The following RASSF3 variants were observed in gnomAD, a reference collection of about 807,000 sequenced individuals.
The protein encoded by RASSF3 is ras association domain-containing protein 3.
In RASSF3, 19 loss-of-function variants were observed where a neutral mutation model predicts 19.9. The ratio of observed to expected loss-of-function variants is 0.96; its 90% confidence interval spans 0.67 to 1.40. The LOEUF (loss-of-function observed/expected upper bound fraction) is 1.40, where lower values mean the gene tolerates loss of function less well. Ranked by LOEUF, RASSF3 falls within the 40% of genes most tolerant of loss-of-function variation. The probability of loss-of-function intolerance (pLI) is 0.00; values close to 1 mark genes in which losing one functional copy is unlikely to be tolerated. For missense variants in RASSF3, 306 were observed against 289.8 expected, an observed-to-expected ratio of 1.06 and a Z score of -0.41; for synonymous variants, 110 against 104.2, an observed-to-expected ratio of 1.06 and a Z score of -0.34.
At chr12:64,669,571 A>G (rs1872630408) in intron 1 of RASSF3, among the ~76,000 whole-genome samples, 1 of 152,078 alleles carries the variant, frequency 6.6e-6, no homozygotes, top group Non-Finnish European at 1.5e-5. Context: ...ATTATGTTAA[A>G]TTCAGTTTCT....
At chr12:64,639,650 C>G (rs1035733441) in intron 1 of RASSF3, among the ~76,000 whole-genome samples, 1 of 152,166 alleles carries the variant, frequency 6.6e-6, no homozygotes, top group East Asian at 1.9e-4. Flanking sequence ...TCATATTCTT[C>G]CTGCTCAAGT....
chr12:64,668,976 G>T lies in RASSF3; in HGVS notation c.112-15811G>T, dbSNP rs185796886. Among the ~76,000 whole-genome samples, 363 of 152,082 alleles carry T rather than the reference G, an allele frequency of 2.4e-3. 1 individual carries two copies. The highest frequency in any genetic ancestry group is 6.8e-3 in the Middle Eastern group (2 of 294). ...GAGCTACCGCACCCAGCCCAATTTT[G>T]ATTTTTTAGGAGGAAAAAAAATTGT... On this transcript the variant is annotated intron_variant, in intron 1 of 4. Coordinates refer to ENST00000542104, the MANE Select transcript of RASSF3 (RefSeq NM_178169.4).
intron 2 of RASSF3, among the ~76,000 whole-genome samples, chr12:64,565,640 G>A (rs1488426906): frequency 6.6e-6 from 1 of 152,208 alleles, no homozygotes; most frequent in African/African-American, 2.4e-5. Flanking sequence ...CTGAACCTGG[G>A]AGGCGGAGGT....
chr12:64,602,915 A>G (rs766530926), intron 2 of RASSF3, among the ~76,000 whole-genome samples: 1 of 152,126 alleles, frequency 6.6e-6, no homozygotes, highest in Non-Finnish European at 1.5e-5. Flanking sequence ...CCTCGCCAAC[A>G]TGGTGAAACC....
At chr12:64,550,820 C>CAAAAAAAAAAAAA (rs59308298) in intron 2 of RASSF3, among the ~76,000 whole-genome samples, 28 of 75,806 alleles carry the variant, frequency 3.7e-4, no homozygotes, top group African/African-American at 5.0e-4. Flanking sequence ...GACTCCATCT[C>CAAAAAAAAAAAAA]AAAAAAAAAA....
chr12:64,628,817 C>A (rs1014434118), intron 1 of RASSF3, among the ~76,000 whole-genome samples: 1 of 151,990 alleles, frequency 6.6e-6, no homozygotes, highest in Non-Finnish European at 1.5e-5. Flanking sequence ...CTTTTACTTG[C>A]TTCAAGTGTC....
intron 1 of RASSF3, among the ~76,000 whole-genome samples, chr12:64,677,043 C>T (rs1872933024): frequency 6.6e-6 from 1 of 151,806 alleles, no homozygotes; most frequent in African/African-American, 2.4e-5. Flanking sequence ...GCTGGGATTA[C>T]AGGAATGAGC....
At chr12:64,567,295 G>C (rs995064881) in intron 2 of RASSF3, among the ~76,000 whole-genome samples, 1 of 152,144 alleles carries the variant, frequency 6.6e-6, no homozygotes, top group African/African-American at 2.4e-5. Flanking sequence ...CTGAACAAGT[G>C]CAGATACAAA....
At chr12:64,541,427 G>A (rs1405971359) in intron 1 of RASSF3, among the ~76,000 whole-genome samples, 2 of 152,220 alleles carry the variant, frequency 1.3e-5, no homozygotes, top group Non-Finnish European at 2.9e-5. Flanking sequence ...GCTCTGCCTT[G>A]TGAACAGATG....
At chr12:64,519,072 C>T (rs549453000) in intron 1 of RASSF3, among the ~76,000 whole-genome samples, 127 of 152,222 alleles carry the variant, frequency 8.3e-4, no homozygotes, top group African/African-American at 2.9e-3. Flanking sequence ...ATTTGAAGTC[C>T]TTTCTCCCAC....
intron 2 of RASSF3, among the ~76,000 whole-genome samples, chr12:64,554,090 G>C (rs1254151120): frequency 1.3e-5 from 2 of 152,010 alleles, no homozygotes; most frequent in African/African-American, 4.8e-5. Context: ...CATTGGCCCA[G>C]TTTCTGATTT....
chr12:64,562,175 G>A (rs1424802261), intron 2 of RASSF3, among the ~76,000 whole-genome samples: 1 of 151,900 alleles, frequency 6.6e-6, no homozygotes, highest in Non-Finnish European at 1.5e-5. Context: ...TGGGTAGCTG[G>A]GACTACAGGC....
At chr12:64,661,148 G>A (rs1175873392) in intron 1 of RASSF3, among the ~76,000 whole-genome samples, 2 of 152,132 alleles carry the variant, frequency 1.3e-5, no homozygotes, top group Admixed American at 1.3e-4. Context: ...AGTTAAACTC[G>A]GCTTGCTCGT....
intron 1 of RASSF3, among the ~76,000 whole-genome samples, chr12:64,638,246 C>G (rs1871390362): frequency 6.6e-6 from 1 of 152,160 alleles, no homozygotes. Flanking sequence ...GGAAAGGATT[C>G]TTTTTACTAT....
intron 4 of RASSF3, among the ~76,000 whole-genome samples, chr12:64,694,094 T>TGA (rs927051294): frequency 5.3e-5 from 8 of 151,930 alleles, no homozygotes; most frequent in Middle Eastern, 3.4e-3. Flanking sequence ...TGAAGCTCGG[T>TGA]GAGAGAGAGA....
intron 4 of RASSF3, among the ~76,000 whole-genome samples, chr12:64,693,862 G>T (rs776744919): frequency 6.6e-6 from 1 of 152,222 alleles, no homozygotes; most frequent in Non-Finnish European, 1.5e-5. Context: ...TAAGGTGCAG[G>T]TGAGATAGAT....
At position 64,682,240 on chromosome 12, in the gene RASSF3, C is replaced by T. The variant is rs138670535; in HGVS notation, c.112-2547C>T. On this transcript the variant is annotated intron_variant, in intron 1 of 4. Transcript: ENST00000542104. ...TTACCCAATATACTGACCCATTAGA[C>T]TTCACCAGGATGGTGCTGACATTGA... Among the ~76,000 whole-genome samples the T allele has an allele frequency of 5.3e-3, 803 of 152,282 alleles. 9 individuals are homozygous for T. The highest frequency in any genetic ancestry group is 9.0e-3 in the Non-Finnish European group (610 of 68,026).
intron 1 of RASSF3, among the ~76,000 whole-genome samples, chr12:64,647,432 A>G (rs1214196593): frequency 7.0e-6 from 1 of 143,488 alleles, no homozygotes; most frequent in Non-Finnish European, 1.5e-5. Context: ...TTTTGGTGAG[A>G]CGGGGTCTTG....
intron 2 of RASSF3, among the ~76,000 whole-genome samples, chr12:64,596,990 C>T (rs960956420): frequency 4.6e-5 from 7 of 152,126 alleles, no homozygotes; most frequent in Admixed American, 2.0e-4. Flanking sequence ...TGATCTCGAA[C>T]TCTCAACCTC....
Sources: gnomAD v4.1 joint callset for allele counts (sites outside exome capture counted in the v4.1 genomes callset) on GRCh38, gnomAD v4.1.1 for gene constraint, MANE v1.5 for transcripts, NCBI Gene and HGNC (gene_info 2026-07-23, HGNC 2026-07-21) for gene names.